Variants in ABTB3 observed in about 807,000 individuals in gnomAD.
ABTB3 encodes the protein ankyrin repeat- and BTB/POZ domain-containing protein 3.
the ABTB3 span, among the ~76,000 whole-genome samples, chr12:107,610,601 C>T: frequency 0.14 from 21,340 of 152,134 alleles, 1,701 homozygotes; most frequent in East Asian, 0.33. Context: ...AGAGGAAAAA[C>T]AGGCCCATTC....
chr12:107,631,866 G>C, the ABTB3 span, among the ~76,000 whole-genome samples: 71 of 152,350 alleles, frequency 4.7e-4, 1 homozygote, highest in Middle Eastern at 0.01. Context: ...GGCTGAGGCA[G>C]TGTTTGTCGA....
the ABTB3 span, chr12:107,618,226 T>C: frequency 6.2e-7 from 1 of 1,614,034 alleles, no homozygotes; most frequent in South Asian, 1.1e-5. Context: ...CTGGAGGAGA[T>C]TCTGGCCGAG....
At chr12:107,330,977 G>GGA in the ABTB3 span, among the ~76,000 whole-genome samples, 1 of 152,164 alleles carries the variant, frequency 6.6e-6, no homozygotes, top group East Asian at 1.9e-4. Flanking sequence ...GAAGCTTTGA[G>GGA]GAGGGGTAAG....
At chr12:107,342,475 C>T in the ABTB3 span, among the ~76,000 whole-genome samples, 1 of 152,122 alleles carries the variant, frequency 6.6e-6, no homozygotes, top group South Asian at 2.1e-4. Flanking sequence ...GTTTCATCCC[C>T]ACTCAGAACA....
the ABTB3 span, among the ~76,000 whole-genome samples, chr12:107,515,865 G>T: frequency 6.6e-6 from 1 of 152,068 alleles, no homozygotes; most frequent in Non-Finnish European, 1.5e-5. Flanking sequence ...TGCCCATGTC[G>T]ACCCATTAGT....
At chr12:107,381,690 A>G in the ABTB3 span, among the ~76,000 whole-genome samples, 1 of 152,114 alleles carries the variant, frequency 6.6e-6, no homozygotes, top group Non-Finnish European at 1.5e-5. Context: ...GGCAGGGGGA[A>G]CCATTCTGAC....
the ABTB3 span, among the ~76,000 whole-genome samples, chr12:107,415,015 C>T: frequency 3.5e-4 from 53 of 152,092 alleles, 1 homozygote; most frequent in African/African-American, 1.1e-3. Flanking sequence ...GTGCCCGGCC[C>T]GATCACCATC....
chr12:107,380,071 C>T, the ABTB3 span, among the ~76,000 whole-genome samples: 1 of 152,102 alleles, frequency 6.6e-6, no homozygotes, highest in Non-Finnish European at 1.5e-5. Context: ...CGTCTGTGAC[C>T]CTTAAAAGAC....
chr12:107,472,140 C>T, the ABTB3 span, among the ~76,000 whole-genome samples: 2 of 152,190 alleles, frequency 1.3e-5, no homozygotes, highest in Non-Finnish European at 2.9e-5. Flanking sequence ...AGAACAGAGC[C>T]TCTCCACCCA....
the ABTB3 span, among the ~76,000 whole-genome samples, chr12:107,455,248 T>C: frequency 6.6e-6 from 1 of 152,230 alleles, no homozygotes; most frequent in Non-Finnish European, 1.5e-5. Flanking sequence ...TCTGCACCAC[T>C]TAACTGTATG....
the ABTB3 span, among the ~76,000 whole-genome samples, chr12:107,525,927 G>T: frequency 3.3e-5 from 5 of 152,198 alleles, no homozygotes; most frequent in African/African-American, 1.2e-4. Context: ...AAGGATAAAT[G>T]TCTTGCCCAA....
At chr12:107,363,879 T>A in the ABTB3 span, among the ~76,000 whole-genome samples, 6 of 152,130 alleles carry the variant, frequency 3.9e-5, no homozygotes, top group Admixed American at 3.9e-4. Context: ...GATTCTGGAG[T>A]CCTAACTCTT....
chr12:107,322,445 A>G, the ABTB3 span, among the ~76,000 whole-genome samples: 2 of 152,260 alleles, frequency 1.3e-5, no homozygotes, highest in African/African-American at 4.8e-5. Context: ...TATTGGAATC[A>G]TACATTAAAC....
chr12:107,642,044 A>C, the ABTB3 span: 1 of 1,566,350 alleles, frequency 6.4e-7, no homozygotes, highest in Non-Finnish European at 8.8e-7. Flanking sequence ...TGAGCCATGG[A>C]TTTGTGTGTG....
At chr12:107,558,745 G>A in the ABTB3 span, among the ~76,000 whole-genome samples, 12 of 152,302 alleles carry the variant, frequency 7.9e-5, no homozygotes, top group East Asian at 1.4e-3. Flanking sequence ...GCCCTGTGAC[G>A]AGAGCTTTTC....
chr12:107,599,314 T>G, the ABTB3 span, among the ~76,000 whole-genome samples: 3 of 152,226 alleles, frequency 2.0e-5, no homozygotes, highest in Non-Finnish European at 4.4e-5. Flanking sequence ...TTAACACATA[T>G]GTACTGTTCT....
chr12:107,351,430 C>T, the ABTB3 span, among the ~76,000 whole-genome samples: 394 of 152,282 alleles, frequency 2.6e-3, 1 homozygote, highest in South Asian at 9.5e-3. Flanking sequence ...CCTGCTGTGG[C>T]GGATGGAGGA....
At chr12:107,641,985 C>T in the ABTB3 span, 3 of 1,030,088 alleles carry the variant, frequency 2.9e-6, no homozygotes, top group Non-Finnish European at 4.6e-6. Context: ...TTCAGATTTG[C>T]AGGGGAAGAA....
At chr12:107,435,460 A>G in the ABTB3 span, among the ~76,000 whole-genome samples, 12 of 152,360 alleles carry the variant, frequency 7.9e-5, no homozygotes, top group Admixed American at 7.2e-4. Flanking sequence ...TTATTCATTC[A>G]TCTACTTGTT....
Sources: gnomAD v4.1 joint callset for allele counts (sites outside exome capture counted in the v4.1 genomes callset) on GRCh38, gnomAD v4.1.1 for gene constraint, MANE v1.5 for transcripts, NCBI Gene and HGNC (gene_info 2026-07-23, HGNC 2026-07-21) for gene names.